GREM2: variants seen among roughly 807,000 people sequenced by gnomAD.
The protein encoded by GREM2 is gremlin 2, DAN family BMP antagonist, also known as gremlin-2.
Under a neutral mutation model 14.2 loss-of-function variants are expected in GREM2, and 11 were observed. The observed-to-expected ratio is 0.78, with a 90% CI of 0.49 to 1.28. GREM2 has a LOEUF of 1.28. Ranked by LOEUF, GREM2 falls within the 50% of genes most tolerant of loss-of-function variation. GREM2 has a pLI of 0.00. For synonymous variants in GREM2, 98 were observed against 97.6 expected, an observed-to-expected ratio of 1.00 and a Z score of -0.02; for missense variants, 210 against 218.5, an observed-to-expected ratio of 0.96 and a Z score of 0.24.
chr1:240,545,071 C>T (rs758160449), intron 1 of GREM2, among the ~76,000 whole-genome samples: 2 of 152,332 alleles, frequency 1.3e-5, no homozygotes, highest in Non-Finnish European at 2.9e-5. Context: ...CTGATGTTGT[C>T]TGATGGCTGG....
chr1:240,582,447 A>C (rs4565702), intron 1 of GREM2, among the ~76,000 whole-genome samples: 45,648 of 151,844 alleles, frequency 0.3, 8,392 homozygotes, highest in African/African-American at 0.52. Flanking sequence ...CACACACACA[A>C]AAAAAGAGTT....
chr1:240,530,350 G>A (rs1678323320), intron 1 of GREM2: 2 of 152,122 alleles, frequency 1.3e-5, no homozygotes. Context: ...GACATATTTT[G>A]GAACCTGCCA....
At chr1:240,573,528 A>G (rs1459550557) in intron 1 of GREM2, among the ~76,000 whole-genome samples, 2 of 152,164 alleles carry the variant, frequency 1.3e-5, no homozygotes, top group South Asian at 2.1e-4. Context: ...ATTTATCTTT[A>G]CAACTTAGGT....
rs79267830 is a variant in GREM2, at chr1:240,591,602, G to A, written c.-2+20282C>T. On this transcript the variant is annotated intron_variant, in intron 1 of 1. Coordinates refer to ENST00000318160, the MANE Select transcript of GREM2 (RefSeq NM_022469.4). ...ACATCTCCCACCTTCAACTTTTCTGGCCTTTATTTCAACTAAGTGCTAGGC... is the reference window on the plus strand; with the variant it reads ...ACATCTCCCACCTTCAACTTTTCTGACCTTTATTTCAACTAAGTGCTAGGC... 1.8e-3 allele frequency among the ~76,000 whole-genome samples: 270 copies of A among 152,172 alleles called. 1 individual carries two copies. The highest frequency in any genetic ancestry group is 0.01 in the East Asian group (52 of 5,164).
chr1:240,501,863 G>A (rs897320210), intron 1 of GREM2, among the ~76,000 whole-genome samples: 6 of 151,952 alleles, frequency 3.9e-5, no homozygotes, highest in Non-Finnish European at 7.4e-5. Flanking sequence ...AGAACCCTCC[G>A]AGCAAAAAGG....
intron 1 of GREM2, among the ~76,000 whole-genome samples, chr1:240,500,813 A>AT (rs1677554869): frequency 6.6e-6 from 1 of 152,150 alleles, no homozygotes; most frequent in Non-Finnish European, 1.5e-5. Flanking sequence ...TGAACTGAAC[A>AT]TTTTGGCATG....
intron 1 of GREM2, among the ~76,000 whole-genome samples, chr1:240,594,478 A>G (rs1285484229): frequency 6.6e-6 from 1 of 152,188 alleles, no homozygotes; most frequent in Non-Finnish European, 1.5e-5. Flanking sequence ...GAAGACAGGA[A>G]AACTGGACTG....
intron 1 of GREM2, among the ~76,000 whole-genome samples, chr1:240,538,225 C>T (rs1439934528): frequency 1.3e-5 from 2 of 152,214 alleles, no homozygotes; most frequent in African/African-American, 4.8e-5. Context: ...CCCTCAAATG[C>T]TATGACTGGT....
chr1:240,510,194 C>T (rs1034584867), intron 1 of GREM2, among the ~76,000 whole-genome samples: 1 of 151,664 alleles, frequency 6.6e-6, no homozygotes, highest in Non-Finnish European at 1.5e-5. Flanking sequence ...ACGGTGAAAC[C>T]CCGTCTCCAC....
chr1:240,607,922 G>A (rs1680061823), intron 1 of GREM2, among the ~76,000 whole-genome samples: 1 of 152,226 alleles, frequency 6.6e-6, no homozygotes, highest in Non-Finnish European at 1.5e-5. Context: ...AAGAATGTAT[G>A]TGAAATACAG....
At chr1:240,563,584 C>T (rs889935543) in intron 1 of GREM2, among the ~76,000 whole-genome samples, 6 of 152,130 alleles carry the variant, frequency 3.9e-5, no homozygotes, top group Admixed American at 6.5e-5. Flanking sequence ...GTTTAGTCAA[C>T]GGCACCCATC....
chr1:240,604,624 T>C (rs1679992158), intron 1 of GREM2, among the ~76,000 whole-genome samples: 1 of 152,194 alleles, frequency 6.6e-6, no homozygotes, highest in South Asian at 2.1e-4. Context: ...AGCAATTTTT[T>C]TTTCTATCAA....
chr1:240,586,988 T>C (rs1032058221), intron 1 of GREM2, among the ~76,000 whole-genome samples: 1 of 152,168 alleles, frequency 6.6e-6, no homozygotes, highest in Non-Finnish European at 1.5e-5. Context: ...GAAATATATA[T>C]AACATACATT....
At chr1:240,544,760 C>T (rs1468453953) in intron 1 of GREM2, among the ~76,000 whole-genome samples, 2 of 152,124 alleles carry the variant, frequency 1.3e-5, no homozygotes, top group Non-Finnish European at 2.9e-5. Flanking sequence ...TGCTACTACT[C>T]TGTTCCCTTT....
At chr1:240,557,175 A>C (rs1678964580) in intron 1 of GREM2, among the ~76,000 whole-genome samples, 1 of 151,788 alleles carries the variant, frequency 6.6e-6, no homozygotes, top group Non-Finnish European at 1.5e-5. Flanking sequence ...CTCCATAAAA[A>C]AAAAACATAA....
intron 1 of GREM2, among the ~76,000 whole-genome samples, chr1:240,502,092 G>A (rs1677581852): frequency 6.6e-6 from 1 of 152,124 alleles, no homozygotes; most frequent in South Asian, 2.1e-4. Flanking sequence ...TCTGTGTCCA[G>A]TGAGAGCTAA....
chr1:240,522,802 A>G (rs1678132958), intron 1 of GREM2, among the ~76,000 whole-genome samples: 1 of 152,178 alleles, frequency 6.6e-6, no homozygotes, highest in African/African-American at 2.4e-5. Flanking sequence ...CGAAACAACC[A>G]ATGTAGATGT....
At chr1:240,563,137 GT>G (rs1679102795) in intron 1 of GREM2, among the ~76,000 whole-genome samples, 2 of 123,434 alleles carry the variant, frequency 1.6e-5, no homozygotes, top group Non-Finnish European at 3.0e-5. Context: ...GTATGTGTAT[GT>G]GTGTGTGTGA....
chr1:240,582,180 G>A (rs1679497391), intron 1 of GREM2, among the ~76,000 whole-genome samples: 1 of 152,238 alleles, frequency 6.6e-6, no homozygotes, highest in Non-Finnish European at 1.5e-5. Context: ...GCTCATGCCT[G>A]TAATCCCAGC....
Sources: gnomAD v4.1 joint callset for allele counts (sites outside exome capture counted in the v4.1 genomes callset) on GRCh38, gnomAD v4.1.1 for gene constraint, MANE v1.5 for transcripts, NCBI Gene and HGNC (gene_info 2026-07-23, HGNC 2026-07-21) for gene names.